CFAP20DC: variants seen among roughly 807,000 people sequenced by gnomAD.
The protein encoded by CFAP20DC is protein CFAP20DC.
A neutral mutation model predicts 101.7 loss-of-function variants in CFAP20DC; 84 were observed. The observed-to-expected ratio is 0.83, with a 90% confidence interval of 0.69 to 0.99. The LOEUF is 0.99. Ranked by LOEUF, CFAP20DC falls within the 50% of genes least tolerant of loss-of-function variation. The probability of loss-of-function intolerance (pLI) is 0.00; values close to 1 mark genes in which losing one functional copy is unlikely to be tolerated. For synonymous variants in CFAP20DC, 359 were observed against 351.2 expected (o/e 1.02, Z -0.25); for missense variants, 1,007 against 970.3 (o/e 1.04, Z -0.50).
At chr3:58,756,955 C>G (rs552787938) in intron 15 of CFAP20DC, among the ~76,000 whole-genome samples, 3 of 152,160 alleles carry the variant, frequency 2.0e-5, no homozygotes, top group Admixed American at 6.5e-5. Flanking sequence ...ATTCATTTCA[C>G]CCTCTTCTAT....
chr3:58,870,311 T>C lies in CFAP20DC; in HGVS notation c.716-2A>G. ...TTGTTCCTCTGTTAATGAACTGATC[T>C]GTTTTGTTAAAGGAAGGTAATAATA... On this transcript the variant is annotated splice_acceptor_variant, in intron 7 of 16. Coordinates refer to ENST00000482387, the MANE Select transcript of CFAP20DC (RefSeq NM_001394063.1). LOFTEE classifies it high-confidence loss of function. 6.2e-7 allele frequency: 1 copy of C among 1,613,338 alleles called. No individual in the cohort carries two copies. Among genetic ancestry groups the C allele is most frequent in the South Asian group, 1.1e-5 (1 of 91,016 alleles).
rs2082781563 is a variant in CFAP20DC, at chr3:58,897,695, T to G, written c.551-12986A>C. On this transcript the variant is annotated intron_variant, in intron 6 of 16. Coordinates refer to ENST00000482387, the MANE Select transcript of CFAP20DC (RefSeq NM_001394063.1). This position sits in a 1 kb window ranked among gnomAD's most constrained non-coding sequence, Gnocchi z 4.4. The stretch of plus-strand genomic sequence containing the variant: ...GGGGAAATTCTTTTCTTAAGAATGT[T>G]GAATTTGTTTCCCAATCTCTTCTGG... Among the ~76,000 whole-genome samples, 1 of 152,222 alleles carries G rather than the reference T, an allele frequency of 6.6e-6. No individual in the cohort carries two copies. Among genetic ancestry groups the G allele is most frequent in the African/African-American group, 2.4e-5 (1 of 41,462 alleles).
At chr3:58,851,867 A>T (rs748036723) in intron 12 of CFAP20DC, among the ~76,000 whole-genome samples, 3 of 152,198 alleles carry the variant, frequency 2.0e-5, no homozygotes, top group Non-Finnish European at 4.4e-5. Context: ...TGCAAATTTG[A>T]ACTTTTTGAT....
rs1214194355 is a variant in CFAP20DC at position 58,874,510 on chromosome 3, T to C, written c.716-4201A>G. Reference sequence around the variant, plus strand: ...TTAACATTGCCCGCAAAACCCTGCATGTTCTGACATGTCTGAGTATCTTAC... The same window carrying C: ...TTAACATTGCCCGCAAAACCCTGCACGTTCTGACATGTCTGAGTATCTTAC... On this transcript the variant is annotated intron_variant, in intron 7 of 16. Coordinates refer to ENST00000482387, the MANE Select transcript of CFAP20DC (RefSeq NM_001394063.1). The surrounding 1 kb of genome is among the most constrained non-coding windows in gnomAD (Gnocchi z 5.1). Among the ~76,000 whole-genome samples the C allele has an allele frequency of 6.6e-6, 1 of 152,192 alleles. No homozygotes were observed. The highest frequency in any genetic ancestry group is 1.5e-5 in the Non-Finnish European group (1 of 68,044).
chr3:58,895,706 A>T (rs1463714755), intron 6 of CFAP20DC, among the ~76,000 whole-genome samples: 2 of 152,084 alleles, frequency 1.3e-5, no homozygotes, highest in African/African-American at 4.8e-5. Context: ...TTACTGTATT[A>T]GGCTGTTTTC....
In CFAP20DC at chr3:59,007,077, A is replaced by T. The variant is rs1436347450; in HGVS notation, c.278+32480T>A. On this transcript the variant is annotated intron_variant, in intron 4 of 16. Transcript: ENST00000482387. The surrounding 1 kb of genome is among the most constrained non-coding windows in gnomAD (Gnocchi z 4.4). ...GGCCTTTTGCTACTGGATGTCACCCACTTCCCTGGCAAACTATACTGCACA... is the reference window on the plus strand; with the variant it reads ...GGCCTTTTGCTACTGGATGTCACCCTCTTCCCTGGCAAACTATACTGCACA... Among the ~76,000 whole-genome samples the T allele has an allele frequency of 6.6e-6, 1 of 152,068 alleles. No individual in the cohort carries two copies. Among genetic ancestry groups the T allele is most frequent in the Non-Finnish European group, 1.5e-5 (1 of 68,006 alleles).
chr3:58,752,797 A>G (rs1019329528), intron 16 of CFAP20DC, among the ~76,000 whole-genome samples: 4 of 152,158 alleles, frequency 2.6e-5, no homozygotes, highest in Non-Finnish European at 5.9e-5. Flanking sequence ...CTCCATACCT[A>G]AAGAAAAATG....
rs373454906 is a variant in CFAP20DC at position 58,742,445 on chromosome 3, C to T, written c.*15G>A. On this transcript the variant is annotated 3_prime_UTR_variant, in exon 17 of 17. Transcript: ENST00000482387. ...TCCAGCTGGGAGTGCCTGCTCTCTG[C>T]CCCGGAAGGAGGCATTATACCAACT... 4 of 1,582,484 alleles carry T rather than the reference C, an allele frequency of 2.5e-6. No homozygotes were observed. The highest frequency in any genetic ancestry group is 2.7e-5 in the African/African-American group (2 of 73,874).
At chr3:58,731,046 G>A (rs770458999) in intron 3 of CFAP20DC, among the ~76,000 whole-genome samples, 6 of 152,148 alleles carry the variant, frequency 3.9e-5, no homozygotes, top group East Asian at 1.9e-4. Context: ...CAACAGAAAA[G>A]CCTTGTCATA....
At chr3:58,838,732 G>GAAT (rs1340325976) in intron 13 of CFAP20DC, among the ~76,000 whole-genome samples, 4 of 152,178 alleles carry the variant, frequency 2.6e-5, no homozygotes, top group African/African-American at 4.8e-5. Context: ...GACAAATAGA[G>GAAT]CTGAACTCTT....
intron 4 of CFAP20DC, among the ~76,000 whole-genome samples, chr3:59,005,771 G>A (rs1450459736): frequency 6.6e-6 from 1 of 151,760 alleles, no homozygotes. Flanking sequence ...CTTCTTTGGT[G>A]GTCGATAGAG....
At chr3:58,908,988 G>A (rs897309510) in intron 6 of CFAP20DC, among the ~76,000 whole-genome samples, 1 of 152,108 alleles carries the variant, frequency 6.6e-6, no homozygotes, top group Non-Finnish European at 1.5e-5. Context: ...GGTTGCCAGG[G>A]GTTAGGGGAA....
At chr3:58,725,600 A>G (rs1575513952) in intron 3 of CFAP20DC, among the ~76,000 whole-genome samples, 1 of 152,222 alleles carries the variant, frequency 6.6e-6, no homozygotes, top group Admixed American at 6.5e-5. Context: ...AAGGACACCC[A>G]CGACAGTTCC....
At chr3:58,805,648 T>C (rs1490630100) in intron 15 of CFAP20DC, among the ~76,000 whole-genome samples, 1 of 152,218 alleles carries the variant, frequency 6.6e-6, no homozygotes, top group Non-Finnish European at 1.5e-5. Context: ...TCACGATATA[T>C]GGACTTTTCA....
At chr3:58,781,997 C>T (rs971741003) in intron 15 of CFAP20DC, among the ~76,000 whole-genome samples, 3 of 151,892 alleles carry the variant, frequency 2.0e-5, no homozygotes, top group Middle Eastern at 3.2e-3. Context: ...GGCCAATATC[C>T]GTGATGAATA....
At chr3:58,791,072 T>A (rs1486640969) in intron 15 of CFAP20DC, among the ~76,000 whole-genome samples, 3 of 152,162 alleles carry the variant, frequency 2.0e-5, no homozygotes, top group African/African-American at 7.2e-5. Context: ...GAATGGGCTG[T>A]CTTCTGCTGC....
intron 14 of CFAP20DC, among the ~76,000 whole-genome samples, chr3:58,816,589 A>T (rs974122586): frequency 2.6e-5 from 4 of 151,974 alleles, no homozygotes; most frequent in African/African-American, 9.7e-5. Context: ...AGACCGGCTT[A>T]AAAAACGGTG....
chr3:58,741,759 AT>A (rs944462985), downstream of CFAP20DC, among the ~76,000 whole-genome samples: 34 of 148,482 alleles, frequency 2.3e-4, no homozygotes, highest in Admixed American at 2.7e-4. Flanking sequence ...GCCTCCCAAG[AT>A]TTTTTTTTTT....
intron 4 of CFAP20DC, among the ~76,000 whole-genome samples, chr3:58,984,767 GTGTGA>G (rs927480125): frequency 2.6e-5 from 4 of 152,170 alleles, no homozygotes; most frequent in Non-Finnish European, 4.4e-5. Flanking sequence ...AGCACCACAG[GTGTGA>G]TGTTGGGTGG....
Sources: gnomAD v4.1 joint callset for allele counts (sites outside exome capture counted in the v4.1 genomes callset) on GRCh38, gnomAD v4.1.1 for gene constraint, Gnocchi (gnomAD v3.1) non-coding constraint, MANE v1.5 for transcripts, NCBI Gene and HGNC (gene_info 2026-07-23, HGNC 2026-07-21) for gene names.